PAK5: variants seen among roughly 807,000 people sequenced by gnomAD.
PAK5 encodes p21 (RAC1) activated kinase 5.
In PAK5, 16 loss-of-function variants were observed where a neutral mutation model predicts 65.9. The observed-to-expected ratio is 0.24, with a 90% confidence interval of 0.16 to 0.37. PAK5 has a LOEUF of 0.37. PAK5 is among the 10% of genes least tolerant of loss of function. PAK5 has a pLI of 1.00. For missense variants in PAK5, 785 were observed against 903.9 expected (o/e 0.87, Z 1.69); for synonymous variants, 371 against 354.9 (o/e 1.05, Z -0.51).
chr20:9,795,583 T>C (rs2049095710), intron 1 of PAK5, among the ~76,000 whole-genome samples: 1 of 152,124 alleles, frequency 6.6e-6, no homozygotes, highest in African/African-American at 2.4e-5. Context: ...ACATGGTATA[T>C]AGTAGATGTT....
intron 1 of PAK5, among the ~76,000 whole-genome samples, chr20:9,715,670 A>G (rs11699992): frequency 0.72 from 108,656 of 151,434 alleles, 39,228 homozygotes; most frequent in South Asian, 0.89. Context: ...TGATAGACAG[A>G]ATTAAGAAAA....
chr20:9,596,623 G>A (rs1014287621), intron 3 of PAK5, among the ~76,000 whole-genome samples: 9 of 118,112 alleles, frequency 7.6e-5, no homozygotes, highest in African/African-American at 2.0e-4. Context: ...GCGACAGAGC[G>A]AGACTCCGTC....
chr20:9,722,474 T>G (rs2048227248), intron 1 of PAK5, among the ~76,000 whole-genome samples: 1 of 151,658 alleles, frequency 6.6e-6, no homozygotes, highest in Non-Finnish European at 1.5e-5. Context: ...TAGCTGGGCA[T>G]GGTGGCGGGC....
chr20:9,820,233 C>G (rs2049403734), intron 1 of PAK5, among the ~76,000 whole-genome samples: 1 of 152,122 alleles, frequency 6.6e-6, no homozygotes, highest in Admixed American at 6.6e-5. Flanking sequence ...CTCATAATAT[C>G]AACTGTCATG....
intron 1 of PAK5, among the ~76,000 whole-genome samples, chr20:9,746,754 C>T (rs1170816833): frequency 6.6e-6 from 1 of 152,074 alleles, no homozygotes; most frequent in African/African-American, 2.4e-5. Flanking sequence ...ATTCCTTGAG[C>T]TGAACCAGAA....
At position 9,601,935 on chromosome 20, in the gene PAK5, A is replaced by G. The variant is rs577184206; in HGVS notation, c.205-21005T>C. Among the ~76,000 whole-genome samples, 30 of 152,248 alleles carry G rather than the reference A, an allele frequency of 2.0e-4. No individual in the cohort carries two copies. The East Asian group carries it at 4.4e-3, about 23-fold the overall frequency. On this transcript the variant is annotated intron_variant, in intron 3 of 9. Transcript: ENST00000353224. ...TAAGACCCATGAGCAAGAAAAAGAAATGTTTGCTGTTATAAGTCATTAGCA... is the reference window on the plus strand; with the variant it reads ...TAAGACCCATGAGCAAGAAAAAGAAGTGTTTGCTGTTATAAGTCATTAGCA...
chr20:9,539,760 A>C (rs1208264296), intron 9 of PAK5, 143 bp from the exon 10 acceptor site: 2 of 666,794 alleles, frequency 3.0e-6, no homozygotes, highest in Admixed American at 5.3e-5. Context: ...AAGCAAAAGC[A>C]TGTCTTGTCT....
intron 7 of PAK5, among the ~76,000 whole-genome samples, chr20:9,544,855 A>G (rs1159790898): frequency 1.3e-5 from 2 of 152,262 alleles, no homozygotes; most frequent in African/African-American, 2.4e-5. Context: ...TGATGCTTTC[A>G]TATACATAAG....
At chr20:9,558,923 G>A (rs2045552831) in intron 6 of PAK5, among the ~76,000 whole-genome samples, 1 of 152,188 alleles carries the variant, frequency 6.6e-6, no homozygotes. Flanking sequence ...AACTGCCCAA[G>A]GTTGCGCAGC....
intron 7 of PAK5, among the ~76,000 whole-genome samples, chr20:9,547,958 G>C (rs1004283399): frequency 1.3e-5 from 2 of 152,160 alleles, no homozygotes; most frequent in Non-Finnish European, 2.9e-5. Context: ...GGATAAGGGG[G>C]CATTTGTTTG....
intron 1 of PAK5, among the ~76,000 whole-genome samples, chr20:9,760,673 CTTTTT>C (rs5840332): frequency 1.6e-5 from 2 of 122,832 alleles, no homozygotes; most frequent in African/African-American, 6.1e-5. Context: ...CTTTTCTTTT[CTTTTT>C]TTTTTTTTTT....
At chr20:9,763,136 G>C (rs891096637) in intron 1 of PAK5, among the ~76,000 whole-genome samples, 1 of 152,022 alleles carries the variant, frequency 6.6e-6, no homozygotes, top group Non-Finnish European at 1.5e-5. Flanking sequence ...GGGAAGCAAT[G>C]GTTAGAGGGT....
At chr20:9,666,556 A>G (rs2047422214) in intron 2 of PAK5, among the ~76,000 whole-genome samples, 1 of 152,106 alleles carries the variant, frequency 6.6e-6, no homozygotes, top group East Asian at 1.9e-4. Context: ...TTATGACATT[A>G]GATTGCCTGA....
intron 2 of PAK5, among the ~76,000 whole-genome samples, chr20:9,673,765 C>A (rs1275092168): frequency 6.6e-6 from 1 of 152,114 alleles, no homozygotes; most frequent in African/African-American, 2.4e-5. Context: ...TGGGACATTT[C>A]TGCCCACAGA....
At chr20:9,756,490 C>A (rs754562123) in intron 1 of PAK5, among the ~76,000 whole-genome samples, 2 of 152,042 alleles carry the variant, frequency 1.3e-5, no homozygotes, top group African/African-American at 2.4e-5. Context: ...CCTCCCATCC[C>A]GGCAGCTGCT....
intron 7 of PAK5, among the ~76,000 whole-genome samples, chr20:9,547,814 C>G (rs2045367565): frequency 1.3e-5 from 2 of 152,208 alleles, no homozygotes; most frequent in Middle Eastern, 3.4e-3. Flanking sequence ...ACCTCAAGCC[C>G]CACCCCAGAC....
chr20:9,729,008 G>T (rs970954272), intron 1 of PAK5, among the ~76,000 whole-genome samples: 5 of 152,058 alleles, frequency 3.3e-5, no homozygotes, highest in Admixed American at 1.3e-4. Context: ...TAAGGATGAA[G>T]AACATATGGA....
intron 1 of PAK5, among the ~76,000 whole-genome samples, chr20:9,767,804 C>T (rs754625701): frequency 5.3e-5 from 8 of 152,250 alleles, no homozygotes; most frequent in Admixed American, 1.3e-4. Flanking sequence ...ATTTTTTCAA[C>T]TAGTTTTGTT....
chr20:9,564,255 T>G (rs2045637483), intron 5 of PAK5, among the ~76,000 whole-genome samples: 1 of 152,220 alleles, frequency 6.6e-6, no homozygotes, highest in Non-Finnish European at 1.5e-5. Context: ...CCACCTATTT[T>G]AGAGCTCTTA....
Sources: allele counts gnomAD v4.1 joint callset (sites outside exome capture counted in the v4.1 genomes callset), GRCh38; gene constraint gnomAD v4.1.1; transcripts MANE v1.5; gene names NCBI Gene and HGNC (gene_info 2026-07-23, HGNC 2026-07-21).